The following COPS5 variants were observed in gnomAD, a reference collection of about 807,000 sequenced individuals.
COPS5 encodes the protein COP9 signalosome complex subunit 5.
In COPS5, 8 loss-of-function variants were observed where a neutral mutation model predicts 44.4. The observed-to-expected ratio is 0.18, with a 90% CI of 0.11 to 0.32. The LOEUF is 0.32. Ranked by LOEUF, COPS5 falls within the 10% of genes least tolerant of loss-of-function variation. COPS5 has a pLI of 1.00. For missense variants in COPS5, 159 were observed against 406.4 expected, an observed-to-expected ratio of 0.39 and a Z score of 5.23; for synonymous variants, 122 against 142.8, an observed-to-expected ratio of 0.85 and a Z score of 1.04.
intron 3 of COPS5, among the ~76,000 whole-genome samples, chr8:67,057,871 C>A (rs1804535019): frequency 6.6e-6 from 1 of 152,178 alleles, no homozygotes; most frequent in Non-Finnish European, 1.5e-5. Flanking sequence ...GATGCTATGA[C>A]TACCCACAAT....
In COPS5 at chr8:67,059,140, G is replaced by C. The variant is rs1804551990; in HGVS notation, c.378+71C>G. 8.8e-6 allele frequency: 9 copies of C among 1,023,096 alleles called. No homozygotes were observed. The South Asian group carries it at 1.4e-4, about 15-fold the overall frequency. 63.4% of individuals were successfully genotyped at this position (1,023,096 alleles called of 1,614,324 possible). ...TTTCATGTAAAGGGGATAATTTTAA[G>C]TTTAGAAACTCAAAAGTCACCTTGA... On this transcript the variant is annotated intron_variant, in intron 2 of 7. Coordinates refer to ENST00000357849, the MANE Select transcript of COPS5 (RefSeq NM_006837.3).
intron 2 of COPS5, among the ~76,000 whole-genome samples, chr8:67,058,598 TA>T (rs1804544542): frequency 6.6e-6 from 1 of 152,200 alleles, no homozygotes; most frequent in African/African-American, 2.4e-5. Context: ...GGATATACCA[TA>T]ATTTATTTAG....
intron 5 of COPS5, among the ~76,000 whole-genome samples, chr8:67,056,244 G>A (rs1294534600): frequency 6.6e-6 from 1 of 152,084 alleles, no homozygotes; most frequent in Non-Finnish European, 1.5e-5. Flanking sequence ...AATGCATTTT[G>A]TCTATGCCTT....
Position 67,043,219 on chromosome 8 carries a change from T to C in COPS5, c.*14A>G. On this transcript the variant is annotated 3_prime_UTR_variant, in exon 8 of 8. Coordinates refer to ENST00000357849, the MANE Select transcript of COPS5 (RefSeq NM_006837.3). ...TCATACTGTCTTTCAGGTAAAGTAC[T>C]TCTCAGAGACTGTTTAAGAGATGTT... 7.0e-7 allele frequency: 1 copy of C among 1,427,580 alleles called. No homozygotes were observed. Among genetic ancestry groups the C allele is most frequent in the South Asian group, 1.2e-5 (1 of 82,648 alleles). 88.4% of individuals were successfully genotyped at this position (1,427,580 alleles called of 1,614,324 possible).
intron 5 of COPS5, among the ~76,000 whole-genome samples, chr8:67,051,924 G>C: frequency 6.6e-6 from 1 of 152,082 alleles, no homozygotes; most frequent in East Asian, 1.9e-4. Context: ...TTTTTAAGAT[G>C]TAAACTTACA....
chr8:67,050,702 C>A (rs1804396079), intron 6 of COPS5, among the ~76,000 whole-genome samples: 1 of 151,012 alleles, frequency 6.6e-6, no homozygotes. Flanking sequence ...GCTAAAGCTG[C>A]CGTCTTGCTT....
chr8:67,055,419 T>C (rs1017174015), intron 5 of COPS5, among the ~76,000 whole-genome samples: 2 of 152,214 alleles, frequency 1.3e-5, no homozygotes, highest in Non-Finnish European at 2.9e-5. Flanking sequence ...AGGCAAGTGC[T>C]TGATTGGGGC....
chr8:67,049,140 A>G (rs895410342), intron 6 of COPS5, among the ~76,000 whole-genome samples: 4 of 152,226 alleles, frequency 2.6e-5, no homozygotes, highest in Admixed American at 6.5e-5. Flanking sequence ...TTCAGTCTAC[A>G]TACTTTCTAA....
At chr8:67,061,656 G>T in intron 1 of COPS5, 198 bp downstream of exon 1, 1 of 594,058 alleles carries the variant, frequency 1.7e-6, no homozygotes, top group Non-Finnish European at 3.0e-6. Context: ...TCACCCGGGG[G>T]CAAATGGATT....
intron 4 of COPS5, among the ~76,000 whole-genome samples, 184 bp downstream of exon 4, chr8:67,057,196 G>A (rs2129537977): frequency 6.6e-6 from 1 of 152,220 alleles, no homozygotes; most frequent in Admixed American, 6.5e-5. Context: ...TTTAAAAAAT[G>A]TAAGGACTTA....
chr8:67,056,367 A>G (rs1312471122), intron 5 of COPS5, 152 bp downstream of exon 5: 1 of 271,534 alleles, frequency 3.7e-6, no homozygotes, highest in Non-Finnish European at 7.2e-6. Flanking sequence ...AACTTTTATA[A>G]CATTTTTTGT....
intron 3 of COPS5, 99 bp from the exon 4 acceptor site, chr8:67,057,544 A>C: frequency 1.5e-6 from 1 of 687,786 alleles, no homozygotes; most frequent in Non-Finnish European, 2.3e-6. Context: ...ATAACACTAT[A>C]TACATACATA....
At chr8:67,047,985 A>G in intron 6 of COPS5, 2 of 686,642 alleles carry the variant, frequency 2.9e-6, no homozygotes, top group Admixed American at 2.0e-5. Context: ...GATAAGAAAT[A>G]AGAACAGATA....
At chr8:67,057,318 C>A in intron 4 of COPS5, 62 bp downstream of exon 4, 1 of 1,088,934 alleles carries the variant, frequency 9.2e-7, no homozygotes, top group Non-Finnish European at 1.4e-6. Flanking sequence ...CTGTGAATAG[C>A]CACTGTACTC....
At chr8:67,053,475 T>G (rs1425741866) in intron 5 of COPS5, among the ~76,000 whole-genome samples, 1 of 132,078 alleles carries the variant, frequency 7.6e-6, no homozygotes, top group South Asian at 2.6e-4. Context: ...CTGAGGCAGG[T>G]GGATCACCTG....
At chr8:67,046,845 A>C (rs796607621) in intron 6 of COPS5, among the ~76,000 whole-genome samples, 33 of 150,372 alleles carry the variant, frequency 2.2e-4, no homozygotes, top group South Asian at 8.3e-4. Flanking sequence ...AAAAAAAAAA[A>C]AAACAAACAC....
chr8:67,056,686 T>G lies in COPS5; in HGVS notation c.574-82A>C, dbSNP rs1192532224. 1.0e-4 allele frequency: 10 copies of G among 95,532 alleles called. No homozygotes were observed. The South Asian group carries it at 3.2e-3, about 31-fold the overall frequency. 5.9% of individuals were successfully genotyped at this position (95,532 alleles called of 1,614,324 possible). ...ATATATATATATATATATATATATA[T>G]ATATATATATATATATATATATATA... On this transcript the variant is annotated intron_variant, in intron 4 of 7. Transcript: ENST00000357849.
At chr8:67,050,735 G>A (rs1204797295) in intron 6 of COPS5, among the ~76,000 whole-genome samples, 3 of 147,858 alleles carry the variant, frequency 2.0e-5, no homozygotes, top group African/African-American at 7.5e-5. Flanking sequence ...TGAAACTAGC[G>A]TTAACTAAGA....
intron 1 of COPS5, chr8:67,060,629 C>A (rs1804579290): frequency 2.0e-6 from 1 of 510,722 alleles, no homozygotes; most frequent in South Asian, 1.8e-5. Flanking sequence ...CTCACCTAAT[C>A]TCTATGACAA....
Sources: allele counts gnomAD v4.1 joint callset (sites outside exome capture counted in the v4.1 genomes callset), GRCh38; gene constraint gnomAD v4.1.1; transcripts MANE v1.5; gene names NCBI Gene and HGNC (gene_info 2026-07-23, HGNC 2026-07-21).